Variants in RNF38 observed in about 807,000 individuals in gnomAD.
The protein encoded by RNF38 is E3 ubiquitin-protein ligase RNF38.
A neutral mutation model predicts 67.2 loss-of-function variants in RNF38; 15 were observed. That is an observed-to-expected ratio of 0.22 (90% confidence interval 0.15 to 0.34). The LOEUF (loss-of-function observed/expected upper bound fraction) is 0.34, where lower values mean the gene tolerates loss of function less well. RNF38 is among the 10% of genes least tolerant of loss of function. The pLI is 1.00. For synonymous variants in RNF38, 220 were observed against 218.8 expected, an observed-to-expected ratio of 1.01 and a Z score of -0.05; for missense variants, 524 against 639.9, an observed-to-expected ratio of 0.82 and a Z score of 1.95.
chr9:36,471,741 T>C (rs1840003052), intron 1 of RNF38, among the ~76,000 whole-genome samples: 1 of 152,256 alleles, frequency 6.6e-6, no homozygotes, highest in Non-Finnish European at 1.5e-5. Context: ...CAACACAGAA[T>C]TTATGAGTTG....
At chr9:36,384,363 A>C (rs1836437177) in intron 2 of RNF38, among the ~76,000 whole-genome samples, 1 of 152,204 alleles carries the variant, frequency 6.6e-6, no homozygotes, top group African/African-American at 2.4e-5. Flanking sequence ...GTAGGAATAT[A>C]AATTTAGGAG....
At chr9:36,402,259 C>T (rs541804538), upstream of RNF38, among the ~76,000 whole-genome samples, 11 of 152,160 alleles carry the variant, frequency 7.2e-5, no homozygotes, top group Admixed American at 3.3e-4. Context: ...AACCCATACT[C>T]GAATTATGTA....
chr9:36,474,679 A>G (rs1271657731), intron 1 of RNF38, among the ~76,000 whole-genome samples: 1 of 148,472 alleles, frequency 6.7e-6, no homozygotes, highest in African/African-American at 2.5e-5. Context: ...AGTGAGGATT[A>G]AATGAATTAA....
At chr9:36,432,141 T>TG (rs1838946160) in intron 1 of RNF38, among the ~76,000 whole-genome samples, 1 of 144,338 alleles carries the variant, frequency 6.9e-6, no homozygotes, top group Admixed American at 6.9e-5. Context: ...AAGTTTTTTT[T>TG]GTTTTTTTTT....
chr9:36,385,343 C>A (rs1836526650), intron 2 of RNF38, among the ~76,000 whole-genome samples: 1 of 150,716 alleles, frequency 6.6e-6, no homozygotes, highest in Non-Finnish European at 1.5e-5. Context: ...GTCACAGTCA[C>A]TGTTTGGTGG....
At chr9:36,412,269 T>G (rs1214411944) in intron 2 of RNF38, among the ~76,000 whole-genome samples, 1 of 152,226 alleles carries the variant, frequency 6.6e-6, no homozygotes, top group African/African-American at 2.4e-5. Context: ...CTTTCCGGCT[T>G]TAGGGATTTT....
At chr9:36,441,015 T>A (rs1839179286) in intron 1 of RNF38, among the ~76,000 whole-genome samples, 1 of 152,062 alleles carries the variant, frequency 6.6e-6, no homozygotes, top group Non-Finnish European at 1.5e-5. Flanking sequence ...TCTAATACAC[T>A]CAAGGCTAAG....
chr9:36,399,484 AAT>A (rs1324747517), intron 1 of RNF38, among the ~76,000 whole-genome samples: 3 of 80,776 alleles, frequency 3.7e-5, no homozygotes, highest in Non-Finnish European at 8.3e-5. Flanking sequence ...CCATATTATA[AAT>A]ATATATAATA....
At chr9:36,482,048 C>CTTTTTTT (rs767211095) in intron 1 of RNF38, among the ~76,000 whole-genome samples, 24 of 119,294 alleles carry the variant, frequency 2.0e-4, no homozygotes, top group East Asian at 7.0e-4. Flanking sequence ...ATACTTTTGT[C>CTTTTTTT]TTTTTTTTTT....
At chr9:36,390,922 G>T (rs1022238090) in intron 1 of RNF38, among the ~76,000 whole-genome samples, 3 of 152,094 alleles carry the variant, frequency 2.0e-5, no homozygotes, top group African/African-American at 7.2e-5. Context: ...AATCCTAAAG[G>T]ACAGACTTCA....
intron 6 of RNF38, among the ~76,000 whole-genome samples, chr9:36,353,572 C>CT (rs1484309375): frequency 6.6e-6 from 1 of 152,158 alleles, no homozygotes; most frequent in Non-Finnish European, 1.5e-5. Flanking sequence ...CCATTACCCT[C>CT]TATTTATTTT....
intron 2 of RNF38, among the ~76,000 whole-genome samples, chr9:36,380,592 A>G (rs1286993495): frequency 1.3e-5 from 2 of 152,154 alleles, no homozygotes; most frequent in Non-Finnish European, 2.9e-5. Flanking sequence ...TCCCGGGCTA[A>G]AGAGATGCTC....
intron 1 of RNF38, among the ~76,000 whole-genome samples, chr9:36,477,812 A>C (rs1840154980): frequency 1.7e-5 from 2 of 121,160 alleles, no homozygotes; most frequent in East Asian, 2.3e-4. Context: ...ACAGAGGGAG[A>C]CTCTGTCTCA....
chr9:36,339,926 A>C, intron 11 of RNF38, 112 bp from the exon 12 acceptor site: 1 of 956,468 alleles, frequency 1.0e-6, no homozygotes, highest in South Asian at 1.4e-5. Context: ...TCTTCCTCTG[A>C]AGAGGTACAA....
intron 9 of RNF38, among the ~76,000 whole-genome samples, chr9:36,348,615 C>T (rs1046761084): frequency 6.6e-6 from 1 of 152,230 alleles, no homozygotes; most frequent in Non-Finnish European, 1.5e-5. Context: ...ACAACATTCT[C>T]TTTAGCCAAA....
intron 2 of RNF38, among the ~76,000 whole-genome samples, chr9:36,382,429 G>T (rs977044854): frequency 1.3e-5 from 2 of 152,124 alleles, no homozygotes; most frequent in African/African-American, 4.8e-5. Context: ...AACATCAACA[G>T]AAGTGAAATG....
intron 1 of RNF38, among the ~76,000 whole-genome samples, chr9:36,439,662 G>A (rs570164454): frequency 1.1e-4 from 16 of 151,464 alleles, no homozygotes; most frequent in South Asian, 4.2e-4. Flanking sequence ...AAAATTAGCC[G>A]GGCATGGTGG....
At position 36,477,898 on chromosome 9, in the gene RNF38, T is replaced by A. The variant is rs1564078231; in HGVS notation, n.241+9410A>T. Among the ~76,000 whole-genome samples the A allele has an allele frequency of 2.7e-5, 4 of 149,544 alleles. No individual in the cohort carries two copies. The South Asian group carries it at 6.4e-4, about 24-fold the overall frequency. On this transcript the variant is annotated intron_variant and non_coding_transcript_variant, in intron 1 of 3. Coordinates refer to the RNF38 transcript ENST00000488058. The stretch of plus-strand genomic sequence containing the variant: ...GTCCCAGCTACTCAGGAGGCTGAGG[T>A]GGAAGGACTGCTTGAGCCTGGGAGA...
At chr9:36,457,436 A>G (rs1270524086) in intron 1 of RNF38, among the ~76,000 whole-genome samples, 1 of 152,222 alleles carries the variant, frequency 6.6e-6, no homozygotes, top group Non-Finnish European at 1.5e-5. Flanking sequence ...CTATCCCTCC[A>G]ACTGAGTTCT....
Sources: allele counts gnomAD v4.1 joint callset (sites outside exome capture counted in the v4.1 genomes callset), GRCh38; gene constraint gnomAD v4.1.1; transcripts MANE v1.5; gene names NCBI Gene and HGNC (gene_info 2026-07-23, HGNC 2026-07-21).